EPSTI1: variants seen among roughly 807,000 people sequenced by gnomAD.
EPSTI1 encodes epithelial stromal interaction 1, also known as epithelial-stromal interaction protein 1.
A neutral mutation model predicts 49.9 loss-of-function variants in EPSTI1; 66 were observed. That is an observed-to-expected ratio of 1.32 (90% confidence interval 1.08 to 1.62). EPSTI1 has a LOEUF of 1.62. Ranked by LOEUF, EPSTI1 falls within the 40% of genes most tolerant of loss-of-function variation. EPSTI1 has a pLI of 0.00. For missense variants in EPSTI1, 394 were observed against 365.5 expected (o/e 1.08, Z -0.64); for synonymous variants, 137 against 130.7 (o/e 1.05, Z -0.33).
intron 6 of EPSTI1, among the ~76,000 whole-genome samples, chr13:42,931,884 T>C (rs1387129163): frequency 1.3e-5 from 2 of 151,926 alleles, no homozygotes; most frequent in African/African-American, 2.4e-5. Context: ...CTTGTGCAAA[T>C]ACATAAATAT....
chr13:42,922,950 T>C lies in EPSTI1; in HGVS notation c.657+3386A>G, dbSNP rs1048469343. ...TGAGATTGATCTGCATCTAAATCTT[T>C]GCTCCTGATTTCAAAAGCTTTGCTT... On this transcript the variant is annotated intron_variant, in intron 7 of 10. Transcript: ENST00000313624. This position sits in a 1 kb window ranked among gnomAD's most constrained non-coding sequence, Gnocchi z 4.8. 6.6e-6 allele frequency among the ~76,000 whole-genome samples: 1 copy of C among 152,234 alleles called. No homozygotes were observed. Among genetic ancestry groups the C allele is most frequent in the Non-Finnish European group, 1.5e-5 (1 of 68,032 alleles).
At chr13:42,965,676 C>CTCAACCTGCATTTTTAAGAGT (rs1594741827) in intron 3 of EPSTI1, among the ~76,000 whole-genome samples, 3 of 71,726 alleles carry the variant, frequency 4.2e-5, no homozygotes, top group Non-Finnish European at 5.9e-5. Context: ...AGCTGGAGTC[C>CTCAACCTGCATTTTTAAGAGT]CTGTCCCTCT....
intron 10 of EPSTI1, among the ~76,000 whole-genome samples, chr13:42,894,702 T>G (rs1041933142): frequency 6.6e-6 from 1 of 152,094 alleles, no homozygotes; most frequent in Admixed American, 6.5e-5. Flanking sequence ...AACGTTCATT[T>G]GTTTTTTTGT....
intron 7 of EPSTI1, among the ~76,000 whole-genome samples, chr13:42,919,655 A>C (rs566095125): frequency 5.3e-5 from 8 of 152,254 alleles, no homozygotes; most frequent in Non-Finnish European, 1.2e-4. Context: ...ACAGTACAGC[A>C]TGATAGGTGA....
chr13:42,940,510 A>C lies in EPSTI1; in HGVS notation c.563+13438T>G, dbSNP rs145663138. Among the ~76,000 whole-genome samples the C allele has an allele frequency of 4.8e-3, 726 of 152,344 alleles. 7 individuals are homozygous for C. Among genetic ancestry groups the C allele is most frequent in the African/African-American group, 0.016 (670 of 41,574 alleles). ...GCCATATTTGCTTTATTCATAATAGATGCCTAGAACCTAGTATAGTGCTTG... is the reference window on the plus strand; with the variant it reads ...GCCATATTTGCTTTATTCATAATAGCTGCCTAGAACCTAGTATAGTGCTTG... On this transcript the variant is annotated intron_variant, in intron 6 of 10. Transcript: ENST00000313624.
chr13:42,950,379 C>T (rs867821084), intron 6 of EPSTI1, among the ~76,000 whole-genome samples: 1 of 152,216 alleles, frequency 6.6e-6, no homozygotes, highest in African/African-American at 2.4e-5. Flanking sequence ...CAGATTAATG[C>T]GTACAATTAG....
At chr13:42,942,902 A>G (rs2038803870) in intron 6 of EPSTI1, among the ~76,000 whole-genome samples, 1 of 151,518 alleles carries the variant, frequency 6.6e-6, no homozygotes, top group Non-Finnish European at 1.5e-5. Flanking sequence ...GTTAGCCAGG[A>G]TGGTCTCGAT....
chr13:42,909,197 A>G (rs1455611885), intron 8 of EPSTI1, among the ~76,000 whole-genome samples: 1 of 152,204 alleles, frequency 6.6e-6, no homozygotes, highest in Non-Finnish European at 1.5e-5. Context: ...GCTCAACATG[A>G]CTAACCATCA....
chr13:42,899,162 C>T (rs1453886849), intron 9 of EPSTI1, among the ~76,000 whole-genome samples: 1 of 150,098 alleles, frequency 6.7e-6, no homozygotes. Flanking sequence ...CCTGCCACCG[C>T]ACTCCCACCT....
At chr13:42,983,812 T>C (rs985059381) in intron 1 of EPSTI1, among the ~76,000 whole-genome samples, 1 of 152,180 alleles carries the variant, frequency 6.6e-6, no homozygotes, top group South Asian at 2.1e-4. Flanking sequence ...TTCAATAATG[T>C]ACCTGACATA....
At position 42,888,138 on chromosome 13, in the gene EPSTI1, T is replaced by C. The variant is rs2036915360; in HGVS notation, c.*356A>G. On this transcript the variant is annotated 3_prime_UTR_variant, in exon 11 of 11. Coordinates refer to ENST00000313624, the MANE Select transcript of EPSTI1 (RefSeq NM_033255.5). ...ACCTGATCTGAGAATTAGATAAGAA[T>C]ATGTCACTTAGAAAGACAAGCCTGT... 1.3e-5 allele frequency: 17 copies of C among 1,277,590 alleles called. No homozygotes were observed. The highest frequency in any genetic ancestry group is 1.6e-5 in the Non-Finnish European group (15 of 923,120). The allele number at this position is 1,277,590 out of a possible 1,614,324, so 79.1% of individuals were successfully genotyped here. A position where few individuals can be genotyped will look rare whatever the true frequency, so the allele number is the denominator to read the frequency against.
chr13:42,958,065 C>T (rs1282382011), intron 5 of EPSTI1, among the ~76,000 whole-genome samples: 1 of 152,162 alleles, frequency 6.6e-6, no homozygotes, highest in African/African-American at 2.4e-5. Context: ...AATCACTCCG[C>T]CCAGCTGGAT....
At chr13:42,958,314 A>G (rs2039337038) in intron 5 of EPSTI1, among the ~76,000 whole-genome samples, 1 of 152,218 alleles carries the variant, frequency 6.6e-6, no homozygotes, top group Non-Finnish European at 1.5e-5. Context: ...CAAATATGGT[A>G]GAGGAGTCTT....
intron 1 of EPSTI1, among the ~76,000 whole-genome samples, chr13:42,973,254 T>C (rs765952683): frequency 4.6e-5 from 7 of 152,216 alleles, no homozygotes; most frequent in Non-Finnish European, 8.8e-5. Context: ...TCAGTCAATC[T>C]ATGGCCAATG....
intron 8 of EPSTI1, among the ~76,000 whole-genome samples, chr13:42,907,835 T>G (rs374175729): frequency 3.3e-5 from 5 of 152,228 alleles, no homozygotes; most frequent in African/African-American, 1.2e-4. Context: ...TCGGGAACAT[T>G]AGCCATCTCT....
At chr13:42,921,524 A>G (rs1259483987) in intron 7 of EPSTI1, among the ~76,000 whole-genome samples, 1 of 152,202 alleles carries the variant, frequency 6.6e-6, no homozygotes, top group Non-Finnish European at 1.5e-5. Context: ...TAAAGCAAGA[A>G]AATAGAAGAA....
intron 6 of EPSTI1, among the ~76,000 whole-genome samples, chr13:42,935,567 C>A (rs1307051817): frequency 6.6e-6 from 1 of 152,078 alleles, no homozygotes. Flanking sequence ...TTCTTCTACT[C>A]CATTTCACTC....
In EPSTI1 at chr13:42,930,473, G is replaced by A. The variant is rs147254072; in HGVS notation, c.564-4044C>T. Among the ~76,000 whole-genome samples, 847 of 152,334 alleles carry A rather than the reference G, an allele frequency of 5.6e-3. 12 individuals carry two copies. Among genetic ancestry groups the A allele is most frequent in the African/African-American group, 0.019 (795 of 41,562 alleles). ...ATAAGCACTCACAGAGCCTATGTAA[G>A]TAAGAGAGTGAGAGATAATCTATTG... is the stretch of plus-strand genomic sequence containing the variant. On this transcript the variant is annotated intron_variant, in intron 6 of 10. Coordinates refer to ENST00000313624, the MANE Select transcript of EPSTI1 (RefSeq NM_033255.5).
intron 1 of EPSTI1, among the ~76,000 whole-genome samples, chr13:42,976,186 T>C (rs564521889): frequency 6.6e-6 from 1 of 152,206 alleles, no homozygotes; most frequent in South Asian, 2.1e-4. Context: ...CCAGCTTATT[T>C]ACATCTATTC....
Sources: allele counts gnomAD v4.1 joint callset (sites outside exome capture counted in the v4.1 genomes callset), GRCh38; gene constraint gnomAD v4.1.1; non-coding constraint Gnocchi (gnomAD v3.1); transcripts MANE v1.5; gene names NCBI Gene and HGNC (gene_info 2026-07-23, HGNC 2026-07-21).